The following PCDH11Y variants were observed in gnomAD, a reference collection of about 807,000 sequenced individuals.
PCDH11Y encodes the protein protocadherin 11 Y-linked.
For missense variants in PCDH11Y, 12 were observed against 224.8 expected (o/e 0.05, Z 6.05); for synonymous variants, 9 against 83.6 (o/e 0.11, Z 4.87).
intron 2 of PCDH11Y, among the ~76,000 whole-genome samples, chrY:5,308,703 T>C: frequency 3.0e-5 from 1 of 33,570 alleles, no homozygotes; most frequent in Non-Finnish European, 7.4e-5. Flanking sequence ...AGCTACCAAC[T>C]GAATAGCTTA....
intron 2 of PCDH11Y, among the ~76,000 whole-genome samples, chrY:5,262,823 A>G (rs2053020849): frequency 6.2e-5 from 2 of 32,359 alleles, no homozygotes; most frequent in African/African-American, 2.4e-4. Flanking sequence ...TCTTCATGGC[A>G]GCCCCTCTAA....
chrY:5,237,530 C>T (rs2052976899), intron 2 of PCDH11Y, among the ~76,000 whole-genome samples: 1 of 32,744 alleles, frequency 3.1e-5, no homozygotes. Flanking sequence ...GATGCCCTCT[C>T]TCACCACTCC....
intron 1 of PCDH11Y, among the ~76,000 whole-genome samples, chrY:5,024,778 A>G: frequency 3.1e-5 from 1 of 32,404 alleles, no homozygotes; most frequent in Non-Finnish European, 7.6e-5. Flanking sequence ...AATTAAAACC[A>G]TTTGCCATCA....
chrY:5,673,761 C>T, intron 4 of PCDH11Y, among the ~76,000 whole-genome samples: 1 of 31,598 alleles, frequency 3.2e-5, no homozygotes, highest in African/African-American at 1.2e-4. Flanking sequence ...GATAATCCTC[C>T]ATTTTTATAA....
intron 3 of PCDH11Y, among the ~76,000 whole-genome samples, chrY:5,537,442 T>C: frequency 6.2e-5 from 2 of 32,088 alleles, no homozygotes; most frequent in Non-Finnish European, 1.5e-4. Context: ...TTTCCTATGA[T>C]GTCTAGATTA....
At chrY:5,531,609 A>G (rs1602938899) in intron 3 of PCDH11Y, among the ~76,000 whole-genome samples, 1 of 33,446 alleles carries the variant, frequency 3.0e-5, no homozygotes, top group Admixed American at 2.7e-4. Context: ...AGGAGGAAAA[A>G]TGTTATTACA....
At chrY:5,011,419 T>A (rs2052549854) in intron 1 of PCDH11Y, among the ~76,000 whole-genome samples, 1 of 34,352 alleles carries the variant, frequency 2.9e-5, no homozygotes, top group Non-Finnish European at 7.3e-5. Context: ...TATTGGTTTG[T>A]AAAATATCAG....
At chrY:5,569,882 G>A in intron 3 of PCDH11Y, among the ~76,000 whole-genome samples, 1 of 32,970 alleles carries the variant, frequency 3.0e-5, no homozygotes, top group Non-Finnish European at 7.5e-5. Context: ...TAGGAACTCA[G>A]ACAAATGCAG....
intron 4 of PCDH11Y, among the ~76,000 whole-genome samples, chrY:5,641,939 CT>C (rs2053523454): frequency 2.9e-5 from 1 of 33,968 alleles, no homozygotes; most frequent in African/African-American, 1.1e-4. Context: ...CAAAATAGTC[CT>C]TCTGAAGAAG....
At chrY:5,401,547 G>A in intron 2 of PCDH11Y, among the ~76,000 whole-genome samples, 1 of 32,584 alleles carries the variant, frequency 3.1e-5, no homozygotes, top group Non-Finnish European at 7.5e-5. Context: ...CTGTCATACA[G>A]GTTTTAAGCC....
chrY:5,721,210 T>G, intron 4 of PCDH11Y, among the ~76,000 whole-genome samples: 2 of 32,283 alleles, frequency 6.2e-5, no homozygotes, highest in African/African-American at 2.4e-4. Flanking sequence ...TACAGAGAGC[T>G]CCAAAGCTAT....
intron 4 of PCDH11Y, among the ~76,000 whole-genome samples, chrY:5,663,937 C>T: frequency 3.3e-5 from 1 of 30,601 alleles, no homozygotes; most frequent in Non-Finnish European, 7.8e-5. Context: ...TTCTCAGGCT[C>T]ACCCTAATTA....
chrY:5,168,402 T>C, intron 2 of PCDH11Y, among the ~76,000 whole-genome samples: 2 of 25,154 alleles, frequency 8.0e-5, no homozygotes, highest in African/African-American at 3.1e-4. Flanking sequence ...TGCAGTCACA[T>C]CAATACTTAG....
At chrY:5,194,239 C>G in intron 2 of PCDH11Y, among the ~76,000 whole-genome samples, 1 of 30,110 alleles carries the variant, frequency 3.3e-5, no homozygotes, top group Non-Finnish European at 7.9e-5. Context: ...GAGTTTAGAA[C>G]AGCCTGGGCA....
intron 3 of PCDH11Y, among the ~76,000 whole-genome samples, chrY:5,531,711 T>C: frequency 1.3e-4 from 4 of 30,199 alleles, no homozygotes; most frequent in African/African-American, 3.9e-4. Context: ...TGATTTCATA[T>C]TGTTTTCATT....
At chrY:5,489,860 G>A in intron 2 of PCDH11Y, among the ~76,000 whole-genome samples, 1 of 32,272 alleles carries the variant, frequency 3.1e-5, no homozygotes, top group East Asian at 8.0e-4. Flanking sequence ...GTCAGGGTAA[G>A]AGATGTGATT....
chrY:5,531,811 G>A, intron 3 of PCDH11Y, among the ~76,000 whole-genome samples: 3 of 30,723 alleles, frequency 9.8e-5, no homozygotes, highest in African/African-American at 2.6e-4. Flanking sequence ...GTAGTGGTAC[G>A]ATCATAGTTT....
intron 4 of PCDH11Y, among the ~76,000 whole-genome samples, chrY:5,587,592 C>A (rs2053457269): frequency 6.2e-5 from 2 of 32,093 alleles, no homozygotes; most frequent in Admixed American, 5.7e-4. Flanking sequence ...ATAATATTTG[C>A]TATATATATC....
intron 3 of PCDH11Y, among the ~76,000 whole-genome samples, chrY:5,515,818 G>A (rs2053371575): frequency 3.0e-5 from 1 of 33,315 alleles, no homozygotes; most frequent in Admixed American, 2.7e-4. Context: ...AGAAGCAATG[G>A]GGAAAGAACT....
Sources: allele counts gnomAD v4.1 joint callset (sites outside exome capture counted in the v4.1 genomes callset), GRCh38; gene constraint gnomAD v4.1.1; transcripts MANE v1.5; gene names NCBI Gene and HGNC (gene_info 2026-07-23, HGNC 2026-07-21).